DCC: variants seen among roughly 807,000 people sequenced by gnomAD.
The protein encoded by DCC is DCC netrin 1 receptor, also known as netrin receptor DCC.
In DCC, 58 loss-of-function variants were observed where a neutral mutation model predicts 172.5. That is an observed-to-expected ratio of 0.34 (90% CI 0.27 to 0.42). DCC has a LOEUF of 0.42. DCC is among the 10% of genes least tolerant of loss of function. The pLI, the probability that DCC is intolerant of heterozygous loss-of-function variation, is 1.00. For synonymous variants in DCC, 709 were observed against 644.5 expected (o/e 1.10, Z -1.52); for missense variants, 1,740 against 1,791.0 (o/e 0.97, Z 0.51).
chr18:53,517,105 A>G (rs2046343018), intron 27 of DCC, among the ~76,000 whole-genome samples: 1 of 142,310 alleles, frequency 7.0e-6, no homozygotes, highest in Non-Finnish European at 1.5e-5. Context: ...ACACCATGGA[A>G]TACTATGCAG....
chr18:53,135,735 G>A (rs1248550287), intron 7 of DCC, among the ~76,000 whole-genome samples: 1 of 152,146 alleles, frequency 6.6e-6, no homozygotes, highest in East Asian at 1.9e-4. Flanking sequence ...GCAATTCAAT[G>A]ATGGCTGAAT....
chr18:53,367,251 T>C (rs1224172891), intron 15 of DCC, among the ~76,000 whole-genome samples: 1 of 150,602 alleles, frequency 6.6e-6, no homozygotes, highest in African/African-American at 2.4e-5. Context: ...CAATGTAAGA[T>C]GAACAGCTTA....
intron 2 of DCC, among the ~76,000 whole-genome samples, chr18:52,902,190 T>C (rs756194): frequency 0.016 from 2,506 of 152,260 alleles, 85 homozygotes; most frequent in East Asian, 0.14. Flanking sequence ...GAAAGGGACA[T>C]AGTGCTAGAT....
intron 1 of DCC, among the ~76,000 whole-genome samples, chr18:52,445,984 T>C (rs1207440748): frequency 6.6e-6 from 1 of 152,174 alleles, no homozygotes; most frequent in Non-Finnish European, 1.5e-5. Flanking sequence ...CAGGCTAGAG[T>C]GCAGTGGCGG....
intron 16 of DCC, among the ~76,000 whole-genome samples, chr18:53,391,452 A>T (rs1274447002): frequency 6.6e-6 from 1 of 152,230 alleles, no homozygotes; most frequent in African/African-American, 2.4e-5. Flanking sequence ...ATATTCAATT[A>T]CTTTTTTGCA....
chr18:52,934,107 A>G (rs1030445344), intron 5 of DCC, among the ~76,000 whole-genome samples: 1 of 152,114 alleles, frequency 6.6e-6, no homozygotes, highest in East Asian at 1.9e-4. Flanking sequence ...GTACTTTTTC[A>G]TATCCAATTA....
intron 1 of DCC, among the ~76,000 whole-genome samples, chr18:52,343,170 T>C (rs1303958852): frequency 1.3e-5 from 2 of 152,226 alleles, no homozygotes; most frequent in South Asian, 4.1e-4. Context: ...TTCACAACAC[T>C]CTGGCCTTTG....
chr18:52,887,135 T>C (rs369820875), intron 2 of DCC, among the ~76,000 whole-genome samples: 1 of 152,196 alleles, frequency 6.6e-6, no homozygotes, highest in Non-Finnish European at 1.5e-5. Flanking sequence ...AGACAGAAGC[T>C]TGAAACAGTA....
intron 8 of DCC, among the ~76,000 whole-genome samples, chr18:53,162,366 T>G (rs1015289691): frequency 6.6e-6 from 1 of 151,984 alleles, no homozygotes; most frequent in Non-Finnish European, 1.5e-5. Context: ...CTTACCCACT[T>G]CTTAAGTACA....
At chr18:52,986,351 G>T (rs2145613172) in intron 5 of DCC, among the ~76,000 whole-genome samples, 1 of 152,238 alleles carries the variant, frequency 6.6e-6, no homozygotes, top group South Asian at 2.1e-4. Context: ...ACAGTAGTGG[G>T]CAGCGAATGG....
At chr18:52,934,314 A>C (rs550339990) in intron 5 of DCC, among the ~76,000 whole-genome samples, 1 of 152,138 alleles carries the variant, frequency 6.6e-6, no homozygotes, top group African/African-American at 2.4e-5. Flanking sequence ...AAACATAGAC[A>C]TCCCTCTGTG....
chr18:52,603,164 A>T (rs956699761), intron 1 of DCC, among the ~76,000 whole-genome samples: 2 of 152,066 alleles, frequency 1.3e-5, no homozygotes, highest in African/African-American at 4.8e-5. Context: ...CTAGGGATGG[A>T]GACTGAAAAG....
intron 1 of DCC, among the ~76,000 whole-genome samples, chr18:52,462,922 C>G (rs1005634342): frequency 1.3e-5 from 2 of 152,168 alleles, no homozygotes; most frequent in Non-Finnish European, 2.9e-5. Flanking sequence ...CAGTTCCTAA[C>G]TGTAACTCTG....
intron 15 of DCC, among the ~76,000 whole-genome samples, chr18:53,351,418 C>CAGTGTATATATATATATAT (rs1404641165): frequency 5.2e-5 from 1 of 19,256 alleles, no homozygotes; most frequent in Admixed American, 8.8e-4. Context: ...TATATATATA[C>CAGTGTATATATATATATAT]ACACTGTGTA....
intron 18 of DCC, among the ~76,000 whole-genome samples, chr18:53,401,779 G>A (rs1909312577): frequency 6.6e-6 from 1 of 152,168 alleles, no homozygotes; most frequent in Non-Finnish European, 1.5e-5. Context: ...GAGCTACCCA[G>A]AAGGAAAACT....
intron 1 of DCC, among the ~76,000 whole-genome samples, chr18:52,471,179 C>T (rs888272654): frequency 1.8e-4 from 27 of 151,988 alleles, no homozygotes; most frequent in Non-Finnish European, 5.9e-5. Context: ...ACCAAGACCC[C>T]GTCTCTACAA....
At chr18:52,716,985 C>T (rs1381818432) in intron 1 of DCC, among the ~76,000 whole-genome samples, 4 of 152,114 alleles carry the variant, frequency 2.6e-5, no homozygotes, top group Non-Finnish European at 5.9e-5. Context: ...TATACTACTC[C>T]CCTCGCCCCT....
intron 1 of DCC, among the ~76,000 whole-genome samples, chr18:52,385,449 T>A (rs1985758114): frequency 6.6e-6 from 1 of 151,936 alleles, no homozygotes; most frequent in South Asian, 2.1e-4. Context: ...CTTATTTTTG[T>A]ATGCCTCAGC....
At chr18:52,835,761 A>C (rs28703132) in intron 2 of DCC, among the ~76,000 whole-genome samples, 66,438 of 152,052 alleles carry the variant, frequency 0.44, 14,710 homozygotes, top group South Asian at 0.55. Flanking sequence ...AATGAAAATG[A>C]TTCAAAAGTA....
Sources: allele counts gnomAD v4.1 joint callset (sites outside exome capture counted in the v4.1 genomes callset), GRCh38; gene constraint gnomAD v4.1.1; transcripts MANE v1.5; gene names NCBI Gene and HGNC (gene_info 2026-07-23, HGNC 2026-07-21).